The following AOX1 variants were observed in gnomAD, a reference collection of about 807,000 sequenced individuals.
The protein encoded by AOX1 is aldehyde oxidase.
AOX1 carries 153 observed loss-of-function variants against 169.5 expected under a neutral mutation model. That is an observed-to-expected ratio of 0.90 (90% CI 0.79 to 1.03). The LOEUF is 1.03. Ranked by LOEUF, AOX1 falls within the 50% of genes least tolerant of loss-of-function variation. The pLI, the probability that AOX1 is intolerant of heterozygous loss-of-function variation, is 0.00. For missense variants in AOX1, 1,656 were observed against 1,663.9 expected (o/e 1.00, Z 0.08); for synonymous variants, 562 against 581.9 (o/e 0.97, Z 0.49).
At chr2:200,605,669 A>C (rs1258195725) in intron 10 of AOX1, 41 bp downstream of exon 10, 1 of 1,028,056 alleles carries the variant, frequency 9.7e-7, no homozygotes, top group Non-Finnish European at 1.4e-6. Flanking sequence ...AAGATGCATT[A>C]ATCAATTTAT....
chr2:200,616,875 C>T (rs1240498306), intron 16 of AOX1, among the ~76,000 whole-genome samples: 1 of 152,076 alleles, frequency 6.6e-6, no homozygotes, highest in African/African-American at 2.4e-5. Flanking sequence ...TATAGTATGT[C>T]GTAATGAACA....
At chr2:200,657,663 G>A (rs1337807614) in intron 27 of AOX1, among the ~76,000 whole-genome samples, 2 of 152,060 alleles carry the variant, frequency 1.3e-5, no homozygotes, top group African/African-American at 4.8e-5. Context: ...CCGAACAATT[G>A]CTAATATAAA....
At chr2:200,638,775 A>G (rs2035293252) in intron 23 of AOX1, among the ~76,000 whole-genome samples, 2 of 152,224 alleles carry the variant, frequency 1.3e-5, no homozygotes, top group Admixed American at 6.5e-5. Flanking sequence ...TTGTAGTAGA[A>G]AATAGTGATT....
chr2:200,657,188 A>ATT lies in AOX1; in HGVS notation c.3171+252_3171+253insTT, dbSNP rs1309414882. 8.4e-3 allele frequency among the ~76,000 whole-genome samples: 575 copies of ATT among 68,512 alleles called. 10 individuals carry two copies. The highest frequency in any genetic ancestry group is 0.023 in the African/African-American group (327 of 14,312). The allele number at this position is 68,512 out of a possible 152,430, so 44.9% of individuals were successfully genotyped here. Reference sequence around the variant, plus strand: ...AAAATATATATATATATATATATATATATTTTTTTTTTTTTTTAATTAGCA... The same window carrying ATT: ...AAAATATATATATATATATATATATATTTATTTTTTTTTTTTTTTAATTAGCA... On this transcript the variant is annotated intron_variant, in intron 27 of 34. Coordinates refer to ENST00000374700, the MANE Select transcript of AOX1 (RefSeq NM_001159.4).
chr2:200,626,558 T>A (rs2244004), intron 19 of AOX1, among the ~76,000 whole-genome samples: 142,915 of 152,336 alleles, frequency 0.94, 67,380 homozygotes, highest in East Asian at 1. Context: ...ATCTCTGGTT[T>A]TGTGCACCAC....
chr2:200,674,430 TG>T (rs369555888), downstream of AOX1, among the ~76,000 whole-genome samples: 30 of 133,832 alleles, frequency 2.2e-4, no homozygotes, highest in Admixed American at 1.3e-3. Flanking sequence ...AGGGCCTGGG[TG>T]GGGGGGGTGA....
Position 200,624,001 on chromosome 2 carries a change from A to G in AOX1, c.2124+18A>G, listed in dbSNP as rs766578107. On this transcript the variant is annotated intron_variant, in intron 19 of 34. Transcript: ENST00000374700. ...CAATTGAGGTAATGAGTTCTGTGGA[A>G]TGGTGGTGCCAGTTGGGAGCCAGAA... The G allele has an allele frequency of 4.3e-6, 7 of 1,612,258 alleles. No individual in the cohort carries two copies. Among genetic ancestry groups the G allele is most frequent in the Non-Finnish European group, 5.9e-6 (7 of 1,178,374 alleles).
chr2:200,604,961 A>T, intron 9 of AOX1, 121 bp downstream of exon 9: 1 of 848,760 alleles, frequency 1.2e-6, no homozygotes. Flanking sequence ...CTGAAATAGC[A>T]TTTTTAATCA....
intron 1 of AOX1, among the ~76,000 whole-genome samples, chr2:200,586,897 T>G (rs978539477): frequency 3.9e-5 from 6 of 152,172 alleles, no homozygotes; most frequent in Non-Finnish European, 8.8e-5. Context: ...CCCCCCTTAA[T>G]GTGAGCATCA....
chr2:200,640,958 C>T (rs556030850), intron 23 of AOX1, 140 bp from the exon 24 acceptor site: 1 of 561,734 alleles, frequency 1.8e-6, no homozygotes, highest in African/African-American at 1.9e-5. Context: ...GATCACAGAG[C>T]TAGTTATATA....
At position 200,634,164 on chromosome 2, in the gene AOX1, A is replaced by ATTTTTTTTTTTTT. The variant is rs58341876; in HGVS notation, c.2222-614_2222-602dup. Among the ~76,000 whole-genome samples, 136 of 84,978 alleles carry ATTTTTTTTTTTTT rather than the reference A, an allele frequency of 1.6e-3. 2 individuals are homozygous for ATTTTTTTTTTTTT. Among genetic ancestry groups the ATTTTTTTTTTTTT allele is most frequent in the African/African-American group, 2.0e-3 (39 of 19,556 alleles). 55.7% of individuals were successfully genotyped at this position (84,978 alleles called of 152,430 possible). A position where few individuals can be genotyped will look rare whatever the true frequency, so the allele number is the denominator to read the frequency against. On this transcript the variant is annotated intron_variant, in intron 20 of 34. Transcript: ENST00000374700. ...TAGGGAGAGTGGGCTTTTCTTGAGG[A>ATTTTTTTTTTTTT]TTTTTTTTTTTTTTTTTTTTTTTTT...
At position 200,641,136 on chromosome 2, in the gene AOX1, C is replaced by T; in HGVS notation, c.2607C>T (p.Asp869=). 1 of 1,613,512 alleles carries T rather than the reference C, an allele frequency of 6.2e-7. No homozygotes were observed. The highest frequency in any genetic ancestry group is 8.5e-7 in the Non-Finnish European group (1 of 1,179,542). ...ACGATGGCAGAATCTTGGCCCTGGA[C>T]ATGGAGCATTACAGCAATGCAGGCG... ...FMNDGRILAL[D]MEHYSNAGAS... The change falls in exon 24 of 35, where the codon GAC becomes GAT. Residue 869 remains aspartate (D), a synonymous_variant. Coordinates refer to ENST00000374700, the MANE Select transcript of AOX1 (RefSeq NM_001159.4).
chr2:200,591,890 G>A (rs555079645), intron 1 of AOX1, among the ~76,000 whole-genome samples: 1 of 152,230 alleles, frequency 6.6e-6, no homozygotes, highest in Non-Finnish European at 1.5e-5. Flanking sequence ...CTCATGGGCA[G>A]TGACAGTAGA....
chr2:200,591,799 C>T (rs1054087108), intron 1 of AOX1, among the ~76,000 whole-genome samples: 8 of 151,978 alleles, frequency 5.3e-5, no homozygotes, highest in East Asian at 3.9e-4. Flanking sequence ...GTGCAGAGGA[C>T]GATATTGCGG....
chr2:200,642,648 C>T lies in AOX1; in HGVS notation c.2694C>T (p.Tyr898=). The T allele has an allele frequency of 6.2e-7, 1 of 1,614,106 alleles. No homozygotes were observed. Among genetic ancestry groups the T allele is most frequent in the Non-Finnish European group, 8.5e-7 (1 of 1,180,002 alleles). Residue 898 remains tyrosine, a synonymous_variant, in exon 25 of 35, where the codon TAC becomes TAT. Coordinates refer to ENST00000374700, the MANE Select transcript of AOX1 (RefSeq NM_001159.4). ...EMGLLKMDNA[Y]KFPNLRCRGW... The stretch of plus-strand genomic sequence containing the variant: ...GACTTCTGAAAATGGACAATGCTTA[C>T]AAGTTTCCCAATCTCCGCTGCCGGG...
chr2:200,606,375 T>C (rs1473322582), intron 10 of AOX1, among the ~76,000 whole-genome samples: 3 of 152,220 alleles, frequency 2.0e-5, no homozygotes, highest in Non-Finnish European at 2.9e-5. Flanking sequence ...CATGCTGTTT[T>C]GGTTACTGTA....
At chr2:200,594,004 C>T (rs2034228100) in intron 2 of AOX1, among the ~76,000 whole-genome samples, 1 of 152,188 alleles carries the variant, frequency 6.6e-6, no homozygotes, top group Non-Finnish European at 1.5e-5. Flanking sequence ...GAGTTTCTTT[C>T]TTTCTCATTG....
chr2:200,673,839 C>A (rs1436635938), downstream of AOX1, among the ~76,000 whole-genome samples: 1 of 152,164 alleles, frequency 6.6e-6, no homozygotes, highest in Non-Finnish European at 1.5e-5. Flanking sequence ...TCTGGGTTTC[C>A]TGTTGTAGCT....
intron 20 of AOX1, among the ~76,000 whole-genome samples, chr2:200,634,080 A>T (rs938134946): frequency 6.7e-6 from 1 of 148,972 alleles, no homozygotes; most frequent in Non-Finnish European, 1.5e-5. Context: ...CCTGGAGTAG[A>T]GTGCTTATTG....
Sources: allele counts gnomAD v4.1 joint callset (sites outside exome capture counted in the v4.1 genomes callset), GRCh38; gene constraint gnomAD v4.1.1; transcripts MANE v1.5; gene names NCBI Gene and HGNC (gene_info 2026-07-23, HGNC 2026-07-21).